The following ABCA10 variants were observed in gnomAD, a reference collection of about 807,000 sequenced individuals.
ABCA10 encodes ATP binding cassette subfamily A member 10, also known as ATP-binding cassette sub-family A member 10.
In ABCA10, 169 loss-of-function variants were observed where a neutral mutation model predicts 187.5. The ratio of observed to expected loss-of-function variants is 0.90; its 90% CI spans 0.80 to 1.02. The LOEUF is 1.02. ABCA10 is among the 50% of genes least tolerant of loss of function. The probability of loss-of-function intolerance (pLI) is 0.00; values close to 1 mark genes in which losing one functional copy is unlikely to be tolerated. For synonymous variants in ABCA10, 574 were observed against 601.8 expected (o/e 0.95, Z 0.68); for missense variants, 1,727 against 1,812.4 (o/e 0.95, Z 0.86).
chr17:69,214,501 C>T (rs552456380), intron 9 of ABCA10, among the ~76,000 whole-genome samples: 72 of 125,706 alleles, frequency 5.7e-4, no homozygotes, highest in Non-Finnish European at 1.0e-3. Flanking sequence ...GGCGACAGAG[C>T]GAGACTCCGT....
chr17:69,156,995 T>G (rs1033285633), intron 27 of ABCA10, 72 bp from the exon 28 acceptor site: 7 of 910,842 alleles, frequency 7.7e-6, no homozygotes, highest in African/African-American at 3.6e-5. Context: ...TATTTGTCCA[T>G]TTTTTTGTCA....
chr17:69,218,828 G>C (rs927736886), intron 6 of ABCA10, among the ~76,000 whole-genome samples: 1 of 152,082 alleles, frequency 6.6e-6, no homozygotes, highest in African/African-American at 2.4e-5. Context: ...CTATGTGACC[G>C]GGCCTCAGTG....
At chr17:69,180,974 A>T (rs1336355383) in intron 22 of ABCA10, among the ~76,000 whole-genome samples, 1 of 152,146 alleles carries the variant, frequency 6.6e-6, no homozygotes, top group Admixed American at 6.6e-5. Flanking sequence ...TCTGATCAAA[A>T]ATTGCACTTC....
intron 16 of ABCA10, 91 bp downstream of exon 16, chr17:69,192,472 G>C: frequency 8.9e-7 from 1 of 1,124,604 alleles, no homozygotes; most frequent in South Asian, 1.5e-5. Flanking sequence ...CAGAAGTTAA[G>C]TTGCCTTTCT....
At chr17:69,221,729 G>T in intron 5 of ABCA10, 63 bp downstream of exon 5, 1 of 1,390,688 alleles carries the variant, frequency 7.2e-7, no homozygotes, top group Non-Finnish European at 9.9e-7. Flanking sequence ...AGGGGATGAG[G>T]CAGATATTTA....
Position 69,225,446 on chromosome 17 carries a change from A to G in ABCA10, c.-88T>C. The G allele has an allele frequency of 7.1e-7, 1 of 1,410,736 alleles. No homozygotes were observed. Among genetic ancestry groups the G allele is most frequent in the Non-Finnish European group, 9.9e-7 (1 of 1,007,420 alleles). 87.4% of individuals were successfully genotyped at this position (1,410,736 alleles called of 1,614,324 possible). Reference sequence around the variant, plus strand: ...GATCCACGCTTCCCAGGACTTTAGGAGGTTGTTCAGGAAAACGGGTAGCTC... The same window carrying G: ...GATCCACGCTTCCCAGGACTTTAGGGGGTTGTTCAGGAAAACGGGTAGCTC... On this transcript the variant is annotated 5_prime_UTR_variant, in exon 3 of 39. Coordinates refer to ENST00000690296, the MANE Select transcript of ABCA10 (RefSeq NM_001377321.1).
intron 20 of ABCA10, among the ~76,000 whole-genome samples, chr17:69,184,661 T>G (rs143670664): frequency 3.9e-4 from 59 of 152,110 alleles, no homozygotes; most frequent in African/African-American, 1.4e-3. Flanking sequence ...CTTAAAGAAC[T>G]AAAAGTAAGT....
intron 8 of ABCA10, 130 bp from the exon 9 acceptor site, chr17:69,214,981 A>G: frequency 1.8e-6 from 1 of 569,968 alleles, no homozygotes; most frequent in Non-Finnish European, 2.7e-6. Flanking sequence ...TATGCATAGT[A>G]AATGTGCTAT....
rs113881859 is a variant in ABCA10 at position 69,153,875 on chromosome 17, A to G, written c.3921T>C (p.Ala1307=). 3 of 1,614,118 alleles carry G rather than the reference A, an allele frequency of 1.9e-6. No individual in the cohort carries two copies. The highest frequency in any genetic ancestry group is 2.5e-6 in the Non-Finnish European group (3 of 1,179,962). ...CATCTTCTTTGCCCAGTCCTTTCACAGCTGCATACAACTCCAAGTGCTCTT... is the reference window on the plus strand; with the variant it reads ...CATCTTCTTTGCCCAGTCCTTTCACGGCTGCATACAACTCCAAGTGCTCTT... The part of the protein sequence containing the change: ...TMKEHLELYA[A]VKGLGKEDAA... Residue 1307 remains alanine (A), a synonymous_variant, in exon 32 of 39, where the codon GCT becomes GCC. Transcript: ENST00000690296.
intron 16 of ABCA10, among the ~76,000 whole-genome samples, chr17:69,192,249 G>A (rs781209253): frequency 6.6e-6 from 1 of 152,162 alleles, no homozygotes; most frequent in Non-Finnish European, 1.5e-5. Context: ...GCTTTAACCA[G>A]GGAGTTGGAG....
chr17:69,174,517 G>A, intron 24 of ABCA10, 90 bp downstream of exon 24: 2 of 1,454,850 alleles, frequency 1.4e-6, no homozygotes, highest in East Asian at 4.6e-5. Flanking sequence ...CATATTACAT[G>A]CCTTTTGCTA....
chr17:69,177,144 TCTA>T (rs1480154012), intron 22 of ABCA10, among the ~76,000 whole-genome samples: 7 of 152,194 alleles, frequency 4.6e-5, no homozygotes, highest in South Asian at 2.1e-4. Context: ...CTCTGCTTTA[TCTA>T]ATATACTAAG....
chr17:69,154,008 A>G lies in ABCA10; in HGVS notation c.3788T>C (p.Val1263Ala). 5.0e-6 allele frequency: 8 copies of G among 1,613,078 alleles called. No homozygotes were observed. The highest frequency in any genetic ancestry group is 6.8e-6 in the Non-Finnish European group (8 of 1,179,506). Residue 1263 changes from valine to alanine, a missense_variant and splice_region_variant, in exon 32 of 39, where the codon GTG (valine) becomes GCG (alanine). Coordinates refer to ENST00000690296, the MANE Select transcript of ABCA10 (RefSeq NM_001377321.1). ...TGCTKPTAGV[V>A]VLQGSRASVR... ...TGATGCTCTGCTGCCTTGTAACACC[A>G]CCTGCACAAGACAATGAATGTCAGA...
In ABCA10 at chr17:69,228,736, C is replaced by CT. The variant is rs1186012482; in HGVS notation, c.-469dup. On this transcript the variant is annotated 5_prime_UTR_variant, in exon 1 of 39. It removes the in-frame stop codon of an upstream open reading frame in the 5' UTR. Coordinates refer to ENST00000690296, the MANE Select transcript of ABCA10 (RefSeq NM_001377321.1). ...AGCTTGGCTTCTGAAAAGCCATGGT[C>CT]TGTGTGTAGAACATGCCAACAAATT... The CT allele has an allele frequency of 1.3e-5, 2 of 151,958 alleles. No individual in the cohort carries two copies. The highest frequency in any genetic ancestry group is 6.6e-5 in the Admixed American group (1 of 15,216). 9.4% of individuals were successfully genotyped at this position (151,958 alleles called of 1,614,324 possible).
intron 11 of ABCA10, among the ~76,000 whole-genome samples, chr17:69,196,012 C>T (rs1008177094): frequency 6.6e-6 from 1 of 152,240 alleles, no homozygotes; most frequent in East Asian, 1.9e-4. Flanking sequence ...CCCACACTTC[C>T]CCCTCTTCCA....
At chr17:69,217,037 G>A (rs2144841194) in intron 6 of ABCA10, among the ~76,000 whole-genome samples, 1 of 152,208 alleles carries the variant, frequency 6.6e-6, no homozygotes, top group East Asian at 1.9e-4. Context: ...GCCTGAGTCA[G>A]GAGTTCGAGA....
At chr17:69,230,491 C>T (rs2074825082), upstream of ABCA10, among the ~76,000 whole-genome samples, 2 of 150,672 alleles carry the variant, frequency 1.3e-5, no homozygotes, top group Non-Finnish European at 2.9e-5. Flanking sequence ...CCTTTTCATT[C>T]TTAGCCTTTA....
rs371080502 is a variant in ABCA10 at position 69,219,215 on chromosome 17, G to T, written c.530+330C>A. Among the ~76,000 whole-genome samples, 25 of 152,264 alleles carry T rather than the reference G, an allele frequency of 1.6e-4. No individual in the cohort carries two copies. In the East Asian group the frequency reaches 1.9e-3, roughly 12 times the overall value. ...GTACCTTGAATCCAAGCCTGGCCAA[G>T]CCCAGACTAGATCTGCCAAAGTCCA... On this transcript the variant is annotated intron_variant, in intron 6 of 38. Transcript: ENST00000690296.
intron 10 of ABCA10, among the ~76,000 whole-genome samples, chr17:69,198,501 G>C (rs564368869): frequency 2.0e-5 from 3 of 152,310 alleles, no homozygotes; most frequent in South Asian, 2.1e-4. Flanking sequence ...CAGACTTCTT[G>C]ACAAGGACTG....
Sources: allele counts gnomAD v4.1 joint callset (sites outside exome capture counted in the v4.1 genomes callset), GRCh38; gene constraint gnomAD v4.1.1; transcripts MANE v1.5; gene names NCBI Gene and HGNC (gene_info 2026-07-23, HGNC 2026-07-21).